Variants in LZTFL1 observed in about 807,000 individuals in gnomAD.
LZTFL1 encodes the protein leucine zipper transcription factor like 1.
Under a neutral mutation model 45.9 loss-of-function variants are expected in LZTFL1, and 25 were observed. The ratio of observed to expected loss-of-function variants is 0.54; its 90% CI spans 0.40 to 0.76. The LOEUF is 0.76. LZTFL1 is among the 30% of genes least tolerant of loss of function. The pLI is 0.00. For synonymous variants in LZTFL1, 93 were observed against 117.4 expected, an observed-to-expected ratio of 0.79 and a Z score of 1.35; for missense variants, 277 against 331.1, an observed-to-expected ratio of 0.84 and a Z score of 1.27.
At chr3:45,873,910 C>G (rs567473290) in intron 2 of LZTFL1, among the ~76,000 whole-genome samples, 1 of 152,144 alleles carries the variant, frequency 6.6e-6, no homozygotes, top group South Asian at 2.1e-4. Flanking sequence ...AGTCAGTTTG[C>G]TTCCCTATCA....
chr3:45,867,992 TTAGG>T (rs1701605510), intron 2 of LZTFL1, among the ~76,000 whole-genome samples: 1 of 146,734 alleles, frequency 6.8e-6, no homozygotes, highest in African/African-American at 2.5e-5. Context: ...AGATTTTCCA[TTAGG>T]TATATCTCTT....
At chr3:45,845,947 GTT>G (rs1701211251), upstream of LZTFL1, among the ~76,000 whole-genome samples, 2 of 152,182 alleles carry the variant, frequency 1.3e-5, no homozygotes. Flanking sequence ...GCTTATATGA[GTT>G]TGTCTTCCCA....
upstream of LZTFL1, among the ~76,000 whole-genome samples, chr3:45,843,959 C>A (rs1701177560): frequency 6.6e-6 from 1 of 152,174 alleles, no homozygotes; most frequent in African/African-American, 2.4e-5. Flanking sequence ...ATTTTAATTG[C>A]TGTGACAGTT....
At chr3:45,842,730 T>C (rs1038997497), upstream of LZTFL1, among the ~76,000 whole-genome samples, 1 of 152,238 alleles carries the variant, frequency 6.6e-6, no homozygotes, top group Non-Finnish European at 1.5e-5. Context: ...AGGTTCCATA[T>C]GCCTGGAACT....
rs61169591 is a variant in LZTFL1, at chr3:45,914,287, ATTT to A, written c.-272-1113_-272-1111del. On this transcript the variant is annotated intron_variant, in intron 1 of 4. Coordinates refer to the LZTFL1 transcript ENST00000472635. ...GAATGGGTGGTGCCCATGGATCTGC[ATTT>A]TTTTTTTTTTTTTTGAGACAGGGTC... is the stretch of plus-strand genomic sequence containing the variant. Among the ~76,000 whole-genome samples, 1,105 of 142,396 alleles carry A rather than the reference ATTT, an allele frequency of 7.8e-3. 11 individuals are homozygous for A. The highest frequency in any genetic ancestry group is 0.017 in the East Asian group (82 of 4,838). 93.4% of individuals were successfully genotyped at this position (142,396 alleles called of 152,430 possible).
At chr3:45,835,383 T>C (rs1432022052) in intron 3 of LZTFL1, 3 of 515,072 alleles carry the variant, frequency 5.8e-6, no homozygotes, top group Non-Finnish European at 1.0e-5. Flanking sequence ...GCCTTTGTAA[T>C]ACCTAGGAAC....
rs1403782605 is a variant in LZTFL1, at chr3:45,825,034, AC to A, written c.*1279del. The A allele has an allele frequency of 5.0e-6, 2 of 396,564 alleles. No individual in the cohort carries two copies. The highest frequency in any genetic ancestry group is 4.1e-5 in the African/African-American group (2 of 48,580). The allele number at this position is 396,564 out of a possible 1,614,324, so 24.6% of individuals were successfully genotyped here. A position where few individuals can be genotyped will look rare whatever the true frequency, so the allele number is the denominator to read the frequency against. On this transcript the variant is annotated 3_prime_UTR_variant, in exon 10 of 10. Transcript: ENST00000296135. ...TAACATTTGTTCCTTCACTATTTTAACAAAAAGCCTATAAGAAAAATAATAA... is the reference window on the plus strand; with the variant it reads ...TAACATTTGTTCCTTCACTATTTTAAAAAAAGCCTATAAGAAAAATAATAA...
chr3:45,905,795 C>T (rs1702668357), intron 2 of LZTFL1, among the ~76,000 whole-genome samples: 1 of 152,330 alleles, frequency 6.6e-6, no homozygotes, highest in African/African-American at 2.4e-5. Flanking sequence ...TCAGCAGGGC[C>T]TTGGCTGTCA....
At chr3:45,896,706 C>T (rs118007094) in intron 2 of LZTFL1, among the ~76,000 whole-genome samples, 4 of 152,234 alleles carry the variant, frequency 2.6e-5, no homozygotes, top group Admixed American at 2.6e-4. Context: ...AATACTTTCT[C>T]AAGTGTGGGG....
chr3:45,836,915 G>A (rs1700981205), intron 2 of LZTFL1, among the ~76,000 whole-genome samples: 2 of 152,102 alleles, frequency 1.3e-5, no homozygotes, highest in South Asian at 4.1e-4. Flanking sequence ...TTCAATGACA[G>A]TATCACAGTA....
chr3:45,836,800 T>C (rs72876532), intron 2 of LZTFL1, among the ~76,000 whole-genome samples: 2,987 of 152,336 alleles, frequency 0.02, 101 homozygotes, highest in African/African-American at 0.066. Context: ...TATGGTTACA[T>C]TGGTGGTGAC....
chr3:45,881,927 C>G (rs987574517), intron 2 of LZTFL1, among the ~76,000 whole-genome samples: 6 of 152,376 alleles, frequency 3.9e-5, no homozygotes, highest in South Asian at 2.1e-4. Flanking sequence ...ACTAGGGTGG[C>G]CACTGGCCAT....
intron 2 of LZTFL1, among the ~76,000 whole-genome samples, chr3:45,870,414 G>A (rs1701653590): frequency 6.6e-6 from 1 of 152,230 alleles, no homozygotes; most frequent in Non-Finnish European, 1.5e-5. Flanking sequence ...AGCACAGTGT[G>A]GCATAGGGTG....
At chr3:45,866,030 C>T (rs1350610383) in intron 2 of LZTFL1, among the ~76,000 whole-genome samples, 1 of 152,144 alleles carries the variant, frequency 6.6e-6, no homozygotes, top group East Asian at 1.9e-4. Flanking sequence ...AGAAGCCAGA[C>T]AAAAGAGTAT....
At chr3:45,832,010 C>T (rs1463508122) in intron 5 of LZTFL1, among the ~76,000 whole-genome samples, 2 of 152,038 alleles carry the variant, frequency 1.3e-5, no homozygotes, top group South Asian at 2.1e-4. Flanking sequence ...CCGAGGCGGG[C>T]GTATCACAAG....
At chr3:45,904,655 G>A (rs9881306) in intron 2 of LZTFL1, among the ~76,000 whole-genome samples, 13,746 of 152,300 alleles carry the variant, frequency 0.09, 665 homozygotes, top group Non-Finnish European at 0.11. Context: ...GCCATTATGG[G>A]TGGTATCTTG....
rs35423527 is a variant in LZTFL1 at position 45,901,194 on chromosome 3, C to T, written c.-215+11926G>A. On this transcript the variant is annotated intron_variant, in intron 2 of 4. Coordinates refer to the LZTFL1 transcript ENST00000472635. The surrounding 1 kb of genome is among the most constrained non-coding windows in gnomAD (Gnocchi z 4.3). ...GATGAACTTCTACAGCTGTGTGTTGCTGATCATGTGCATCAGCGTGGACAG... is the reference window on the plus strand; with the variant it reads ...GATGAACTTCTACAGCTGTGTGTTGTTGATCATGTGCATCAGCGTGGACAG... The T allele has an allele frequency of 1.6e-3, 2,598 of 1,614,166 alleles. 47 individuals carry two copies. In the African/African-American group the frequency reaches 0.031, roughly 19 times the overall value.
intron 2 of LZTFL1, chr3:45,902,574 C>G (rs1702592884): frequency 6.0e-6 from 1 of 167,186 alleles, no homozygotes; most frequent in Non-Finnish European, 1.5e-5. Flanking sequence ...TGTTGGCTTC[C>G]AATCCATTTC....
At chr3:45,890,330 T>A (rs1702129330) in intron 2 of LZTFL1, among the ~76,000 whole-genome samples, 1 of 72,992 alleles carries the variant, frequency 1.4e-5, no homozygotes, top group African/African-American at 1.3e-4. Flanking sequence ...TATAAATATA[T>A]ATATAACATA....
Sources: allele counts gnomAD v4.1 joint callset (sites outside exome capture counted in the v4.1 genomes callset), GRCh38; gene constraint gnomAD v4.1.1; non-coding constraint Gnocchi (gnomAD v3.1); transcripts MANE v1.5; gene names NCBI Gene and HGNC (gene_info 2026-07-23, HGNC 2026-07-21).